The following MARF1 variants were observed in gnomAD, a reference collection of about 807,000 sequenced individuals.
MARF1 encodes meiosis regulator and mRNA stability factor 1.
In MARF1, 24 loss-of-function variants were observed where a neutral mutation model predicts 168.2. The observed-to-expected ratio is 0.14, with a 90% confidence interval of 0.10 to 0.20. The LOEUF (loss-of-function observed/expected upper bound fraction) is 0.20. MARF1 is among the 10% of genes least tolerant of loss of function. The probability of loss-of-function intolerance (pLI) is 1.00; values close to 1 mark genes in which losing one functional copy is unlikely to be tolerated. For synonymous variants in MARF1, 868 were observed against 822.4 expected, an observed-to-expected ratio of 1.06 and a Z score of -0.95; for missense variants, 1,744 against 2,143.6, an observed-to-expected ratio of 0.81 and a Z score of 3.68.
intron 22 of MARF1, 160 bp from the exon 23 acceptor site, chr16:15,602,363 C>CA (rs2032531362): frequency 3.2e-6 from 2 of 627,950 alleles, no homozygotes; most frequent in Non-Finnish European, 5.6e-6. Flanking sequence ...AAGAAGGAGA[C>CA]AAAGATGACG....
chr16:15,627,021 AAGAGAG>A (rs61380767), intron 7 of MARF1, among the ~76,000 whole-genome samples: 1 of 149,924 alleles, frequency 6.7e-6, no homozygotes, highest in African/African-American at 2.5e-5. Context: ...AAAGAAAGAA[AAGAGAG>A]AGAGAGAGAG....
rs1050561345 is a variant in MARF1, at chr16:15,595,655, A to T, written c.*1038T>A. Reference sequence around the variant, plus strand: ...AGATGCTGAGCTGACATACACACACATAAAGCTTCCCAGCTACCGATACCA... The same window carrying T: ...AGATGCTGAGCTGACATACACACACTTAAAGCTTCCCAGCTACCGATACCA... On this transcript the variant is annotated 3_prime_UTR_variant, in exon 27 of 27. Transcript: ENST00000396368. 1 of 152,256 alleles carries T rather than the reference A, an allele frequency of 6.6e-6. No individual in the cohort carries two copies. The highest frequency in any genetic ancestry group is 6.5e-5 in the Admixed American group (1 of 15,278). The allele number at this position is 152,256 out of a possible 1,614,324, so 9.4% of individuals were successfully genotyped here.
chr16:15,600,550 C>T lies in MARF1; in HGVS notation c.4691G>A (p.Arg1564His), dbSNP rs751737939. Residue 1564 changes from arginine (R) to histidine (H), a missense_variant, in exon 25 of 27, where the codon CGT becomes CAT. By Grantham distance (29) the Arg-to-His change is conservative. This residue lies in a region of MARF1 where 313 missense variants were observed against 337.4 expected (regional missense o/e 0.93). Transcript: ENST00000396368. ...AGGGGAGAGACTGAGTGAACTCAAA[C>T]GACCTACAGGACAAAGAGCACCCGT... Reference protein sequence around the residue: ...IVVLKNDMKSRLSSLSLSPAN... With the variant: ...IVVLKNDMKSHLSSLSLSPAN... The T allele has an allele frequency of 9.3e-6, 15 of 1,614,146 alleles. No individual in the cohort carries two copies. Among genetic ancestry groups the T allele is most frequent in the East Asian group, 4.5e-5 (2 of 44,886 alleles).
At chr16:15,610,937 A>C (rs748149314) in intron 19 of MARF1, 38 bp downstream of exon 19, 3 of 1,598,110 alleles carry the variant, frequency 1.9e-6, no homozygotes, top group Non-Finnish European at 2.6e-6. Context: ...ATAACAGGAG[A>C]TAGACAATAT....
chr16:15,597,226 T>C (rs2151000693), intron 26 of MARF1, among the ~76,000 whole-genome samples: 1 of 152,336 alleles, frequency 6.6e-6, no homozygotes, highest in East Asian at 1.9e-4. Flanking sequence ...TTTTTCCATT[T>C]TGGATTCTCT....
chr16:15,616,077 C>CAGAA (rs2034022263), intron 15 of MARF1, 72 bp from the exon 16 acceptor site: 1 of 1,270,606 alleles, frequency 7.9e-7, no homozygotes, highest in African/African-American at 1.5e-5. Flanking sequence ...GCTTGCTAAA[C>CAGAA]AGAAGGCTTT....
intron 22 of MARF1, chr16:15,602,571 TGAA>T (rs1036674844): frequency 4.6e-5 from 18 of 391,970 alleles, no homozygotes; most frequent in South Asian, 1.7e-4. Flanking sequence ...AAGACAAAGA[TGAA>T]GAAGATGAAG....
intron 23 of MARF1, chr16:15,601,714 C>T (rs886612798): frequency 1.7e-5 from 9 of 529,540 alleles, no homozygotes; most frequent in Non-Finnish European, 2.4e-5. Context: ...GACTAGTTGC[C>T]TGCTTGGGGG....
At chr16:15,610,886 A>G (rs2033473360) in intron 19 of MARF1, 89 bp downstream of exon 19, 2 of 1,277,914 alleles carry the variant, frequency 1.6e-6, no homozygotes, top group Non-Finnish European at 2.2e-6. Flanking sequence ...AAGCACGGAC[A>G]GGGAGGGAAA....
intron 21 of MARF1, among the ~76,000 whole-genome samples, chr16:15,605,094 AC>A (rs1414602252): frequency 1.3e-5 from 2 of 152,192 alleles, no homozygotes; most frequent in African/African-American, 4.8e-5. Flanking sequence ...GTGAAGAAAC[AC>A]GCATCTGGTG....
rs559533355 is a variant in MARF1, at chr16:15,600,544, C to T, written c.4697G>A (p.Ser1566Asn). The T allele has an allele frequency of 6.2e-7, 1 of 1,614,228 alleles. No homozygotes were observed. Among genetic ancestry groups the T allele is most frequent in the Admixed American group, 1.7e-5 (1 of 60,032 alleles). Reference protein sequence around the residue: ...VLKNDMKSRLSSLSLSPANHE... With the variant: ...VLKNDMKSRLNSLSLSPANHE... Reference sequence around the variant, plus strand: ...ATTGGCAGGGGAGAGACTGAGTGAACTCAAACGACCTACAGGACAAAGAGC... The same window carrying T: ...ATTGGCAGGGGAGAGACTGAGTGAATTCAAACGACCTACAGGACAAAGAGC... The change falls in exon 25 of 27, where the codon AGT (serine) becomes AAT (asparagine). Residue 1566 changes from serine (S) to asparagine (N), a missense_variant. This residue lies in a region of MARF1 where 313 missense variants were observed against 337.4 expected (regional missense o/e 0.93). Coordinates refer to ENST00000396368, the MANE Select transcript of MARF1 (RefSeq NM_014647.4).
chr16:15,635,465 T>C, intron 3 of MARF1, 191 bp downstream of exon 3: 1 of 577,308 alleles, frequency 1.7e-6, no homozygotes, highest in Non-Finnish European at 3.0e-6. Flanking sequence ...GACTCTCTAC[T>C]TTTTTGAATG....
chr16:15,601,019 CTT>C (rs1567527860), intron 23 of MARF1: 1 of 602,724 alleles, frequency 1.7e-6, no homozygotes, highest in Non-Finnish European at 3.1e-6. Flanking sequence ...CATGAGAGCT[CTT>C]TGCCATTTTT....
At chr16:15,607,266 G>A (rs1293298945) in intron 21 of MARF1, among the ~76,000 whole-genome samples, 1 of 152,136 alleles carries the variant, frequency 6.6e-6, no homozygotes, top group African/African-American at 2.4e-5. Flanking sequence ...AAAACAGTGG[G>A]GGCTGGGTGC....
intron 20 of MARF1, among the ~76,000 whole-genome samples, chr16:15,609,022 T>A (rs932889871): frequency 6.6e-6 from 1 of 152,200 alleles, no homozygotes; most frequent in East Asian, 1.9e-4. Context: ...GCGGATCAAC[T>A]GAGGTCAGGA....
intron 19 of MARF1, 95 bp from the exon 20 acceptor site, chr16:15,609,820 A>T (rs754213526): frequency 6.9e-6 from 7 of 1,013,108 alleles, no homozygotes; most frequent in Non-Finnish European, 1.0e-5. Context: ...GGAATTTATA[A>T]ACGATATCAT....
chr16:15,621,045 ATGTTT>A (rs1181762372), intron 12 of MARF1, among the ~76,000 whole-genome samples: 1 of 152,126 alleles, frequency 6.6e-6, no homozygotes, highest in Non-Finnish European at 1.5e-5. Context: ...TGCTTCTTTT[ATGTTT>A]CTAAACTTTC....
Position 15,602,186 on chromosome 16 carries a change from C to A in MARF1, c.4431G>T (p.Lys1477Asn). 1 of 1,614,058 alleles carries A rather than the reference C, an allele frequency of 6.2e-7. No individual in the cohort carries two copies. Among genetic ancestry groups the A allele is most frequent in the Non-Finnish European group, 8.5e-7 (1 of 1,179,906 alleles). ...TTGTGAGCTTCACACATTCTTCCAT[C>A]TTATCATTAGTGAAAACCTGGTTAA... ...PYLVEVFTND[K>N]MEECVKLTSL... Residue 1477 changes from lysine (K) to asparagine (N), a missense_variant, in exon 23 of 27, where the codon AAG (lysine) becomes AAT (asparagine). This residue lies in a region of MARF1 where 313 missense variants were observed against 337.4 expected (regional missense o/e 0.93). Coordinates refer to ENST00000396368, the MANE Select transcript of MARF1 (RefSeq NM_014647.4).
chr16:15,604,461 C>T, intron 21 of MARF1, 63 bp from the exon 22 acceptor site: 1 of 1,123,956 alleles, frequency 8.9e-7, no homozygotes, highest in Non-Finnish European at 1.3e-6. Context: ...TTATACCCAA[C>T]TCAGCTCACT....
Sources: gnomAD v4.1 joint callset for allele counts (sites outside exome capture counted in the v4.1 genomes callset) on GRCh38, gnomAD v4.1.1 for gene constraint, gnomAD v4.1.1 regional missense constraint, MANE v1.5 for transcripts, NCBI Gene and HGNC (gene_info 2026-07-23, HGNC 2026-07-21) for gene names.